Variants in MEI1 observed in about 807,000 individuals in gnomAD.
The protein encoded by MEI1 is meiotic double-stranded break formation protein 1.
In MEI1, 103 loss-of-function variants were observed where a neutral mutation model predicts 146.2. The ratio of observed to expected loss-of-function variants is 0.70; its 90% confidence interval spans 0.60 to 0.83. The LOEUF is 0.83. Among genes scored for constraint, MEI1 ranks in the 40% least tolerant of loss-of-function variants. The pLI is 0.00. For synonymous variants in MEI1, 652 were observed against 628.2 expected, an observed-to-expected ratio of 1.04 and a Z score of -0.57; for missense variants, 1,529 against 1,533.0, an observed-to-expected ratio of 1.00 and a Z score of 0.04.
At chr22:41,781,483 G>A (rs1266434767) in intron 23 of MEI1, 89 bp downstream of exon 23, 6 of 1,247,902 alleles carry the variant, frequency 4.8e-6, no homozygotes, top group East Asian at 5.1e-5. Flanking sequence ...AAAACAAATA[G>A]GGTTGTGTGT....
intron 15 of MEI1, among the ~76,000 whole-genome samples, chr22:41,749,318 C>T (rs980681803): frequency 6.6e-6 from 1 of 151,614 alleles, no homozygotes; most frequent in Non-Finnish European, 1.5e-5. Flanking sequence ...TCTTGTTGCC[C>T]GGGCTAGAGT....
intron 3 of MEI1, among the ~76,000 whole-genome samples, chr22:41,708,423 G>A (rs2069269084): frequency 6.7e-6 from 1 of 149,398 alleles, no homozygotes; most frequent in Non-Finnish European, 1.5e-5. Context: ...TTTTTTCCAA[G>A]CCAAACTGTA....
intron 3 of MEI1, among the ~76,000 whole-genome samples, chr22:41,713,192 G>T (rs1184879857): frequency 3.9e-5 from 6 of 152,096 alleles, no homozygotes; most frequent in Admixed American, 3.9e-4. Flanking sequence ...ATCAAAGAAG[G>T]CCAGGCATGG....
chr22:41,715,971 A>G (rs917332968), intron 4 of MEI1, 70 bp from the exon 5 acceptor site: 1 of 1,154,318 alleles, frequency 8.7e-7, no homozygotes, highest in Non-Finnish European at 1.3e-6. Context: ...GTGGGTAGGG[A>G]AAGATCAGTT....
chr22:41,710,928 A>T (rs1427403697), intron 3 of MEI1, among the ~76,000 whole-genome samples: 1 of 152,204 alleles, frequency 6.6e-6, no homozygotes, highest in Non-Finnish European at 1.5e-5. Flanking sequence ...AGCCCAGCGC[A>T]TAGCCTCCAG....
chr22:41,702,956 G>T (rs1030241729), intron 1 of MEI1, among the ~76,000 whole-genome samples: 1 of 152,066 alleles, frequency 6.6e-6, no homozygotes, highest in Non-Finnish European at 1.5e-5. Context: ...TTGAGCTCGT[G>T]ATACGCCCGC....
chr22:41,732,340 A>G lies in MEI1; in HGVS notation c.1192A>G (p.Thr398Ala), dbSNP rs532150332. 12 of 1,613,110 alleles carry G rather than the reference A, an allele frequency of 7.4e-6. No individual in the cohort carries two copies. The highest frequency in any genetic ancestry group is 5.5e-5 in the South Asian group (5 of 90,920). The change falls in exon 10 of 31, where the codon ACC becomes GCC. Residue 398 changes from threonine to alanine, a missense_variant. This residue lies in a region of MEI1 where 1,212 missense variants were observed against 1,178.9 expected (regional missense o/e 1.03). Coordinates refer to ENST00000401548, the MANE Select transcript of MEI1 (RefSeq NM_152513.4). ...CCTGCTGCTTTTCGCTGAAATCCTG[A>G]CCCGGTGAGCAAAGTGGTGGAACAT... The part of the protein sequence containing the change: ...QGLLLFAEIL[T>A]RQPEEIKLFT...
intron 7 of MEI1, among the ~76,000 whole-genome samples, chr22:41,729,164 C>CAA (rs386395490): frequency 0.059 from 4,436 of 75,084 alleles, 773 homozygotes; most frequent in African/African-American, 0.22. Flanking sequence ...GACTCCGTCT[C>CAA]AAAAAAAAAA....
intron 19 of MEI1, among the ~76,000 whole-genome samples, chr22:41,763,617 A>G (rs1299182350): frequency 1.3e-5 from 2 of 152,006 alleles, no homozygotes; most frequent in African/African-American, 4.8e-5. Flanking sequence ...TGGGAGGCTG[A>G]GGTGGGCGGA....
intron 11 of MEI1, among the ~76,000 whole-genome samples, chr22:41,742,507 T>C (rs567226402): frequency 6.6e-6 from 1 of 152,326 alleles, no homozygotes; most frequent in African/African-American, 2.4e-5. Flanking sequence ...TTAAGCATCA[T>C]GCTAAGTGTT....
At chr22:41,725,932 C>T (rs902526168) in intron 7 of MEI1, among the ~76,000 whole-genome samples, 6 of 152,132 alleles carry the variant, frequency 3.9e-5, no homozygotes, top group Non-Finnish European at 2.9e-5. Context: ...GTTGATTGCC[C>T]AAACTCTGGG....
At chr22:41,752,300 A>G (rs2073812777) in intron 15 of MEI1, among the ~76,000 whole-genome samples, 1 of 152,228 alleles carries the variant, frequency 6.6e-6, no homozygotes, top group African/African-American at 2.4e-5. Flanking sequence ...AGAATGGAAG[A>G]AAATGAACAC....
At chr22:41,755,519 C>T (rs1039741691) in intron 17 of MEI1, among the ~76,000 whole-genome samples, 1 of 152,176 alleles carries the variant, frequency 6.6e-6, no homozygotes, top group South Asian at 2.1e-4. Context: ...TGCCATGTAG[C>T]CTAAGACTAT....
Position 41,723,941 on chromosome 22 carries a change from A to C in MEI1, c.734-2A>C, listed in dbSNP as rs528892732. 3.1e-6 allele frequency: 5 copies of C among 1,592,966 alleles called. No individual in the cohort carries two copies. The East Asian group carries it at 1.1e-4, about 36-fold the overall frequency. On this transcript the variant is annotated splice_acceptor_variant, in intron 6 of 30. Transcript: ENST00000401548. LOFTEE classifies it high-confidence loss of function. ...TTACTTCCCAATCCCTTTGTTTCCT[A>C]GGTTTGCTGAGGCAGCTGTTGAAGT...
rs1159967841 is a variant in MEI1, at chr22:41,743,076, G to T, written c.1332-4G>T. The T allele has an allele frequency of 2.5e-6, 4 of 1,605,768 alleles. No homozygotes were observed. The highest frequency in any genetic ancestry group is 3.4e-6 in the Non-Finnish European group (4 of 1,173,836). The stretch of plus-strand genomic sequence containing the variant: ...TGAACCTGCTTTTGTCTCTCTGGAT[G>T]CAGGAAGGACCATCAGAGCACTCCA... On this transcript the variant is annotated splice_polypyrimidine_tract_variant and splice_region_variant and intron_variant, in intron 11 of 30. Transcript: ENST00000401548.
chr22:41,795,664 T>G lies in MEI1; in HGVS notation c.3667-71T>G. On this transcript the variant is annotated intron_variant, in intron 29 of 30. Coordinates refer to ENST00000401548, the MANE Select transcript of MEI1 (RefSeq NM_152513.4). This position sits in a 1 kb window ranked among gnomAD's most constrained non-coding sequence, Gnocchi z 4.2. ...AATGGGAGGAGGGAAGTACAGAGGA[T>G]GGAGGCAGTTAGGGCCTGTGTGGAA... 2 of 1,589,090 alleles carry G rather than the reference T, an allele frequency of 1.3e-6. No individual in the cohort carries two copies. The highest frequency in any genetic ancestry group is 1.7e-6 in the Non-Finnish European group (2 of 1,163,728).
At chr22:41,716,011 G>T in intron 4 of MEI1, 30 bp from the exon 5 acceptor site, 2 of 1,506,830 alleles carry the variant, frequency 1.3e-6, no homozygotes, top group Admixed American at 1.8e-5. Flanking sequence ...GATCCTAATT[G>T]ACAGAATGGA....
chr22:41,732,499 C>A lies in MEI1; in HGVS notation c.1227C>A (p.Ser409Arg). 1 of 1,613,914 alleles carries A rather than the reference C, an allele frequency of 6.2e-7. No homozygotes were observed. Among genetic ancestry groups the A allele is most frequent in the Non-Finnish European group, 8.5e-7 (1 of 1,179,888 alleles). ...RQPEEIKLFT[S>R]SAMCRDAGRA... ...CAGAGGAGATCAAGCTGTTCACAAG[C>A]TCAGCCATGTGCAGAGATGCTGGCC... The change falls in exon 11 of 31, where the codon AGC becomes AGA. Residue 409 changes from serine to arginine, a missense_variant. Ser to Arg is a moderately radical substitution (Grantham distance 110). Coordinates refer to ENST00000401548, the MANE Select transcript of MEI1 (RefSeq NM_152513.4).
chr22:41,750,407 C>T (rs1238835778), intron 15 of MEI1, among the ~76,000 whole-genome samples: 1 of 152,228 alleles, frequency 6.6e-6, no homozygotes, highest in Non-Finnish European at 1.5e-5. Flanking sequence ...GTCCATTGGA[C>T]TTGGCTTCAT....
Sources: gnomAD v4.1 joint callset for allele counts (sites outside exome capture counted in the v4.1 genomes callset) on GRCh38, gnomAD v4.1.1 for gene constraint, gnomAD v4.1.1 regional missense constraint, Gnocchi (gnomAD v3.1) non-coding constraint, MANE v1.5 for transcripts, NCBI Gene and HGNC (gene_info 2026-07-23, HGNC 2026-07-21) for gene names.